Variants in NIM1K observed in about 807,000 individuals in gnomAD.
The protein encoded by NIM1K is NIM1 serine/threonine protein kinase.
In NIM1K, 35 loss-of-function variants were observed where a neutral mutation model predicts 37.1. The observed-to-expected ratio is 0.94, with a 90% CI of 0.72 to 1.25. The LOEUF is 1.25. NIM1K is among the 50% of genes most tolerant of loss of function. NIM1K has a pLI of 0.00. For synonymous variants in NIM1K, 234 were observed against 206.6 expected, an observed-to-expected ratio of 1.13 and a Z score of -1.14; for missense variants, 564 against 548.0, an observed-to-expected ratio of 1.03 and a Z score of -0.29.
At chr5:43,214,572 T>C (rs1229230006) in intron 1 of NIM1K, among the ~76,000 whole-genome samples, 2 of 150,616 alleles carry the variant, frequency 1.3e-5, no homozygotes, top group South Asian at 4.2e-4. Flanking sequence ...TCCTAGCACT[T>C]TGGGAGGCCG....
chr5:43,232,736 C>T, intron 1 of NIM1K: 1 of 1,228,334 alleles, frequency 8.1e-7, no homozygotes, highest in Non-Finnish European at 1.2e-6. Context: ...AACCCAGAAC[C>T]AATTCCTTCA....
At chr5:43,230,364 A>G (rs541925413) in intron 1 of NIM1K, among the ~76,000 whole-genome samples, 113 of 152,196 alleles carry the variant, frequency 7.4e-4, no homozygotes, top group Non-Finnish European at 1.4e-3. Flanking sequence ...GATGGGAAGA[A>G]GGAAGAGGCG....
intron 2 of NIM1K, among the ~76,000 whole-genome samples, chr5:43,268,967 T>C (rs1298994624): frequency 6.6e-6 from 1 of 151,728 alleles, no homozygotes; most frequent in Non-Finnish European, 1.5e-5. Context: ...GTCTTTTTCT[T>C]TTTTTTAACT....
chr5:43,226,513 A>G (rs1752459249), intron 1 of NIM1K, among the ~76,000 whole-genome samples: 1 of 152,236 alleles, frequency 6.6e-6, no homozygotes, highest in Non-Finnish European at 1.5e-5. Flanking sequence ...CCATTTACCA[A>G]TATGGGGAAA....
intron 1 of NIM1K, among the ~76,000 whole-genome samples, chr5:43,234,561 G>C (rs1380914670): frequency 2.6e-5 from 4 of 152,068 alleles, no homozygotes; most frequent in African/African-American, 9.7e-5. Context: ...AGCTGAGGTG[G>C]GCAGATCAAC....
chr5:43,245,526 C>T lies in NIM1K; in HGVS notation c.-250C>T, dbSNP rs1356220017. 2.4e-6 allele frequency: 1 copy of T among 413,644 alleles called. No homozygotes were observed. The highest frequency in any genetic ancestry group is 4.0e-5 in the Admixed American group (1 of 24,834). 25.6% of individuals were successfully genotyped at this position (413,644 alleles called of 1,614,324 possible). On this transcript the variant is annotated 5_prime_UTR_variant, in exon 2 of 4. Coordinates refer to ENST00000326035, the MANE Select transcript of NIM1K (RefSeq NM_153361.4). ...ATTGTACAGCTAGAGCCTGCAAGTT[C>T]AACGTGAGGGAAGGTGGGAAATGTC...
intron 1 of NIM1K, among the ~76,000 whole-genome samples, chr5:43,203,344 G>A (rs1752061768): frequency 6.6e-6 from 1 of 152,346 alleles, no homozygotes; most frequent in Admixed American, 6.5e-5. Flanking sequence ...CCTAAATGCA[G>A]TTGTTAACGG....
In NIM1K at chr5:43,277,270, C is replaced by T. The variant is rs201089442; in HGVS notation, c.506C>T (p.Ser169Phe). The T allele has an allele frequency of 1.9e-5, 31 of 1,614,112 alleles. No individual in the cohort carries two copies. The East Asian group carries it at 5.8e-4, about 30-fold the overall frequency. Residue 169 changes from serine to phenylalanine, a missense_variant, in exon 3 of 4, where the codon TCT becomes TTT. By Grantham distance (155) the Ser-to-Phe change is radical. Transcript: ENST00000326035. ...AAAATTAGCACTGAGGGGAAGCTCT[C>T]TGAACCAGAAAGCAAGCTCATCTTC... ...FGKISTEGKL[S>F]EPESKLIFSQ...
At chr5:43,196,779 T>C (rs1413054493) in intron 1 of NIM1K, among the ~76,000 whole-genome samples, 1 of 152,088 alleles carries the variant, frequency 6.6e-6, no homozygotes, top group Non-Finnish European at 1.5e-5. Context: ...TGCTGTTTTT[T>C]CTTTTTTTCT....
In NIM1K at chr5:43,248,391, G is replaced by T. The variant is rs970894579; in HGVS notation, c.292+2324G>T. On this transcript the variant is annotated intron_variant, in intron 2 of 3. Coordinates refer to ENST00000326035, the MANE Select transcript of NIM1K (RefSeq NM_153361.4). Reference sequence around the variant, plus strand: ...GTGATTAGAATTGGGCTTTTGGAAGGTTAACCATATAGTGATGAGAATGAA... The same window carrying T: ...GTGATTAGAATTGGGCTTTTGGAAGTTTAACCATATAGTGATGAGAATGAA... 3.3e-5 allele frequency among the ~76,000 whole-genome samples: 5 copies of T among 152,146 alleles called. No individual in the cohort carries two copies. The East Asian group carries it at 5.8e-4, about 18-fold the overall frequency.
chr5:43,264,052 A>G lies in NIM1K; in HGVS notation c.293-13005A>G, dbSNP rs991046353. ...TGCTTTACTTCCAACTATGTAGTCAATTTTGGAATAAGTGTGATGTAGTGC... is the reference window on the plus strand; with the variant it reads ...TGCTTTACTTCCAACTATGTAGTCAGTTTTGGAATAAGTGTGATGTAGTGC... On this transcript the variant is annotated intron_variant, in intron 2 of 3. Transcript: ENST00000326035. Among the ~76,000 whole-genome samples the G allele has an allele frequency of 3.4e-4, 52 of 152,284 alleles. 1 individual carries two copies. Among genetic ancestry groups the G allele is most frequent in the African/African-American group, 1.2e-3 (50 of 41,550 alleles).
intron 2 of NIM1K, among the ~76,000 whole-genome samples, chr5:43,256,324 CTTGG>C (rs1561089082): frequency 6.6e-6 from 1 of 152,096 alleles, no homozygotes; most frequent in Non-Finnish European, 1.5e-5. Context: ...GTGGCTGGAG[CTTGG>C]CGGTATTTAA....
At chr5:43,254,508 C>T (rs1314876170) in intron 2 of NIM1K, among the ~76,000 whole-genome samples, 2 of 152,152 alleles carry the variant, frequency 1.3e-5, no homozygotes, top group East Asian at 3.8e-4. Context: ...CCTTAAAGTT[C>T]CTCCATGTGT....
chr5:43,238,475 G>A (rs1030406948), intron 1 of NIM1K, among the ~76,000 whole-genome samples: 3 of 151,740 alleles, frequency 2.0e-5, no homozygotes, highest in Non-Finnish European at 4.4e-5. Flanking sequence ...CTTCTTCATG[G>A]CTCTACATTT....
chr5:43,217,491 A>G (rs971663550), intron 1 of NIM1K, among the ~76,000 whole-genome samples: 1 of 148,352 alleles, frequency 6.7e-6, no homozygotes, highest in Non-Finnish European at 1.5e-5. Context: ...GTCCTGCACC[A>G]TATTACGTTC....
intron 2 of NIM1K, among the ~76,000 whole-genome samples, chr5:43,253,253 T>C (rs1354863066): frequency 7.6e-6 from 1 of 131,130 alleles, no homozygotes; most frequent in Admixed American, 8.3e-5. Flanking sequence ...TGTGTGTGTG[T>C]GTAAGCACAT....
chr5:43,214,160 T>C (rs909557229), intron 1 of NIM1K, among the ~76,000 whole-genome samples: 5 of 152,124 alleles, frequency 3.3e-5, no homozygotes, highest in Admixed American at 1.3e-4. Flanking sequence ...TCTGAGCCAG[T>C]TGACTGTATC....
chr5:43,243,686 G>GT (rs367847463), intron 1 of NIM1K, among the ~76,000 whole-genome samples: 2 of 151,960 alleles, frequency 1.3e-5, no homozygotes, highest in African/African-American at 4.8e-5. Flanking sequence ...GCTTTGCTTT[G>GT]TTTTTTTGAG....
intron 1 of NIM1K, among the ~76,000 whole-genome samples, chr5:43,226,632 A>G (rs924831143): frequency 1.3e-5 from 2 of 152,214 alleles, no homozygotes; most frequent in Non-Finnish European, 2.9e-5. Flanking sequence ...CCTAAAGAGG[A>G]ACTAGATGGA....
Sources: allele counts gnomAD v4.1 joint callset (sites outside exome capture counted in the v4.1 genomes callset), GRCh38; gene constraint gnomAD v4.1.1; transcripts MANE v1.5; gene names NCBI Gene and HGNC (gene_info 2026-07-23, HGNC 2026-07-21).